Variants in NRG3 observed in about 807,000 individuals in gnomAD.
NRG3 encodes the protein neuregulin 3.
NRG3 carries 31 observed loss-of-function variants against 66.9 expected under a neutral mutation model. The ratio of observed to expected loss-of-function variants is 0.46; its 90% CI spans 0.35 to 0.63. The LOEUF (loss-of-function observed/expected upper bound fraction) is 0.63, where lower values mean the gene tolerates loss of function less well. Among genes scored for constraint, NRG3 ranks in the 20% least tolerant of loss-of-function variants. The pLI is 0.00. For missense variants in NRG3, 910 were observed against 878.9 expected (o/e 1.04, Z -0.45); for synonymous variants, 393 against 359.4 (o/e 1.09, Z -1.06).
intron 2 of NRG3, among the ~76,000 whole-genome samples, chr10:82,471,274 G>A (rs1841231542): frequency 2.0e-5 from 3 of 152,072 alleles, no homozygotes; most frequent in Non-Finnish European, 4.4e-5. Context: ...GAGAGGCCAG[G>A]CGCCTCTCCC....
At chr10:82,721,385 G>A (rs574735070) in intron 2 of NRG3, among the ~76,000 whole-genome samples, 2 of 151,750 alleles carry the variant, frequency 1.3e-5, no homozygotes, top group African/African-American at 4.8e-5. Context: ...TGATCCGCCT[G>A]CTTCGGCCTC....
At chr10:82,535,291 G>A (rs924032294) in intron 2 of NRG3, among the ~76,000 whole-genome samples, 1 of 151,486 alleles carries the variant, frequency 6.6e-6, no homozygotes, top group African/African-American at 2.4e-5. Context: ...TTTAATCACA[G>A]TGGGCTAACT....
intron 1 of NRG3, among the ~76,000 whole-genome samples, chr10:82,339,450 C>T (rs1220604835): frequency 6.6e-6 from 1 of 152,096 alleles, no homozygotes; most frequent in Non-Finnish European, 1.5e-5. Flanking sequence ...ACGCCAGAGG[C>T]TTATAAAACC....
chr10:82,744,782 A>G (rs1280360074), intron 3 of NRG3, among the ~76,000 whole-genome samples: 1 of 152,182 alleles, frequency 6.6e-6, no homozygotes, highest in African/African-American at 2.4e-5. Flanking sequence ...CTTCTTTATA[A>G]ATTAAGATAT....
chr10:81,878,337 G>A (rs1489093949), intron 1 of NRG3, among the ~76,000 whole-genome samples: 1 of 152,172 alleles, frequency 6.6e-6, no homozygotes, highest in Non-Finnish European at 1.5e-5. Context: ...TGTAATACAA[G>A]TATGCAAAAT....
At chr10:82,509,314 T>G (rs1429968529) in intron 2 of NRG3, among the ~76,000 whole-genome samples, 1 of 152,224 alleles carries the variant, frequency 6.6e-6, no homozygotes, top group East Asian at 1.9e-4. Flanking sequence ...TTATACAGAT[T>G]GTTTTGTTAC....
At chr10:82,633,819 A>G (rs576266502) in intron 2 of NRG3, among the ~76,000 whole-genome samples, 5 of 152,342 alleles carry the variant, frequency 3.3e-5, no homozygotes, top group African/African-American at 1.2e-4. Flanking sequence ...TGTAGTGGTC[A>G]GTGTTTCTGA....
At chr10:82,117,703 G>A (rs567995785) in intron 1 of NRG3, among the ~76,000 whole-genome samples, 3 of 152,056 alleles carry the variant, frequency 2.0e-5, no homozygotes, top group Non-Finnish European at 4.4e-5. Flanking sequence ...TTGGGGAAAC[G>A]TTGAAATCAC....
At chr10:82,179,357 A>G (rs529666802) in intron 1 of NRG3, among the ~76,000 whole-genome samples, 2 of 151,930 alleles carry the variant, frequency 1.3e-5, no homozygotes, top group East Asian at 1.9e-4. Flanking sequence ...CTTGTGGTTT[A>G]TTTTAGGAGT....
chr10:82,269,763 T>G (rs2078495622), intron 1 of NRG3, among the ~76,000 whole-genome samples: 1 of 152,112 alleles, frequency 6.6e-6, no homozygotes, highest in East Asian at 1.9e-4. Flanking sequence ...CTTGAGAAGT[T>G]TCTGCTTCAG....
At chr10:82,490,797 T>G (rs1205831917) in intron 2 of NRG3, among the ~76,000 whole-genome samples, 1 of 152,156 alleles carries the variant, frequency 6.6e-6, no homozygotes, top group Non-Finnish European at 1.5e-5. Flanking sequence ...TCTTTCTCAT[T>G]ATTGCTACTG....
At position 82,510,537 on chromosome 10, in the gene NRG3, G is replaced by A. The variant is rs377712352; in HGVS notation, c.953+151669G>A. On this transcript the variant is annotated intron_variant, in intron 2 of 8. Coordinates refer to ENST00000372141, the MANE Select transcript of NRG3 (RefSeq NM_001010848.4). ...ACTTTTGGAGAGACTTTCCCATAGG[G>A]ATTATTTACCCAAGTATGGATAGAG... Among the ~76,000 whole-genome samples, 26 of 152,284 alleles carry A rather than the reference G, an allele frequency of 1.7e-4. 1 individual carries two copies. Among genetic ancestry groups the A allele is most frequent in the East Asian group, 1.5e-3 (8 of 5,178 alleles).
At chr10:82,132,489 T>TC (rs373173389) in intron 1 of NRG3, among the ~76,000 whole-genome samples, 6,778 of 56,176 alleles carry the variant, frequency 0.12, 1,110 homozygotes, top group East Asian at 0.25. Context: ...GATATATATA[T>TC]ATGATATATA....
intron 4 of NRG3, among the ~76,000 whole-genome samples, chr10:82,938,899 G>A (rs1343812521): frequency 6.6e-6 from 1 of 152,206 alleles, no homozygotes; most frequent in Non-Finnish European, 1.5e-5. Context: ...ACCTAGAATT[G>A]AGGGTAAGGA....
chr10:82,956,809 T>A (rs1214708291), intron 5 of NRG3, among the ~76,000 whole-genome samples: 1 of 151,920 alleles, frequency 6.6e-6, no homozygotes, highest in Non-Finnish European at 1.5e-5. Flanking sequence ...AACATGCTCC[T>A]TAAAATGCTG....
At chr10:81,909,520 T>TA (rs1363735929) in intron 1 of NRG3, among the ~76,000 whole-genome samples, 1 of 152,180 alleles carries the variant, frequency 6.6e-6, no homozygotes, top group Non-Finnish European at 1.5e-5. Context: ...TCTCACATGA[T>TA]ATGTACTCAG....
chr10:82,050,065 A>T (rs2063518623), intron 1 of NRG3, among the ~76,000 whole-genome samples: 1 of 151,992 alleles, frequency 6.6e-6, no homozygotes, highest in Non-Finnish European at 1.5e-5. Flanking sequence ...CTGAAACTTC[A>T]GTTCTGAACA....
intron 1 of NRG3, among the ~76,000 whole-genome samples, chr10:81,951,986 G>A (rs953412036): frequency 6.6e-6 from 1 of 152,052 alleles, no homozygotes; most frequent in East Asian, 1.9e-4. Flanking sequence ...CATGGATGAA[G>A]CTGGAAACCA....
At chr10:82,291,172 A>G (rs2134601840) in intron 1 of NRG3, among the ~76,000 whole-genome samples, 1 of 151,874 alleles carries the variant, frequency 6.6e-6, no homozygotes, top group African/African-American at 2.4e-5. Context: ...ACACACACAC[A>G]CGCACGCACC....
Sources: allele counts gnomAD v4.1 joint callset (sites outside exome capture counted in the v4.1 genomes callset), GRCh38; gene constraint gnomAD v4.1.1; transcripts MANE v1.5; gene names NCBI Gene and HGNC (gene_info 2026-07-23, HGNC 2026-07-21).